Variants in PHKA2 observed in about 807,000 individuals in gnomAD.
The protein encoded by PHKA2 is phosphorylase b kinase regulatory subunit alpha, liver isoform.
A neutral mutation model predicts 102.0 loss-of-function variants in PHKA2; 31 were observed. That is an observed-to-expected ratio of 0.30 (90% CI 0.23 to 0.41). PHKA2 has a LOEUF of 0.41. Among genes scored for constraint, PHKA2 ranks in the 10% least tolerant of loss-of-function variants. The probability of loss-of-function intolerance (pLI) is 1.00; values close to 1 mark genes in which losing one functional copy is unlikely to be tolerated. For missense variants in PHKA2, 858 were observed against 1,023.1 expected (o/e 0.84, Z 2.20); for synonymous variants, 455 against 416.2 (o/e 1.09, Z -1.13).
chrX:18,918,566 A>G (rs1408243053), intron 19 of PHKA2, 115 bp downstream of exon 19: 3 of 674,982 alleles, frequency 4.4e-6, no homozygotes, highest in Non-Finnish European at 7.2e-6. Flanking sequence ...TCTAAGTAGA[A>G]GCACGTGGGG....
Position 18,897,640 on chromosome X carries a change from C to T in PHKA2, c.3112-307G>A, listed in dbSNP as rs1406378761. 44 of 317,136 alleles carry T rather than the reference C, an allele frequency of 1.4e-4. No homozygotes were observed. In the South Asian group the frequency reaches 1.6e-3, roughly 11 times the overall value. 26.1% of individuals were successfully genotyped at this position (317,136 alleles called of 1,213,427 possible). On this transcript the variant is annotated intron_variant, in intron 29 of 32. Coordinates refer to ENST00000379942, the MANE Select transcript of PHKA2 (RefSeq NM_000292.3). Reference sequence around the variant, plus strand: ...AGCACGGGCTTGGGGGTCAGACTGCCGGAGTGCTAATCCCCACTCAATGCC... The same window carrying T: ...AGCACGGGCTTGGGGGTCAGACTGCTGGAGTGCTAATCCCCACTCAATGCC...
intron 1 of PHKA2, among the ~76,000 whole-genome samples, chrX:18,961,811 A>G (rs924785775): frequency 2.7e-5 from 3 of 110,323 alleles, no homozygotes; most frequent in Non-Finnish European, 3.8e-5. Flanking sequence ...TTTTTGCTTT[A>G]AAAGTAGAAA....
chrX:18,933,223 G>A (rs1466778256), intron 11 of PHKA2, among the ~76,000 whole-genome samples: 2 of 112,111 alleles, frequency 1.8e-5, no homozygotes, highest in African/African-American at 6.5e-5. Context: ...CCACCCATGA[G>A]CCACCTCCTG....
In PHKA2 at chrX:18,916,288, G is replaced by C. The variant is rs1024754032; in HGVS notation, c.2137+2393C>G. Among the ~76,000 whole-genome samples, 3 of 111,352 alleles carry C rather than the reference G, an allele frequency of 2.7e-5. No individual in the cohort carries two copies. In the East Asian group the frequency reaches 8.5e-4, roughly 31 times the overall value. On this transcript the variant is annotated intron_variant, in intron 19 of 32. Transcript: ENST00000379942. ...AAATTAGCCGGATGTGATGGTGGGTGCCTGTAATCCCCGCTACTTGGGAGG... is the reference window on the plus strand; with the variant it reads ...AAATTAGCCGGATGTGATGGTGGGTCCCTGTAATCCCCGCTACTTGGGAGG...
intron 17 of PHKA2, among the ~76,000 whole-genome samples, chrX:18,922,267 T>G (rs933698613): frequency 2.7e-5 from 3 of 112,097 alleles, no homozygotes; most frequent in African/African-American, 9.7e-5. Context: ...AAAATTATTT[T>G]GCAAAATGGT....
rs2048214525 is a variant in PHKA2 at position 18,926,582 on chromosome X, C to T, written c.1330G>A (p.Val444Ile). The change falls in exon 14 of 33, where the codon GTT becomes ATT. Residue 444 changes from valine to isoleucine, a missense_variant. Coordinates refer to ENST00000379942, the MANE Select transcript of PHKA2 (RefSeq NM_000292.3). ...VKPDVVVQVT[V>I]LAENNHIKDL... Reference sequence around the variant, plus strand: ...TTAATGTGATTGTTTTCTGCCAAAACAGTAACTGTGAACAAGAACACAGAA... The same window carrying T: ...TTAATGTGATTGTTTTCTGCCAAAATAGTAACTGTGAACAAGAACACAGAA... 8.3e-7 allele frequency: 1 copy of T among 1,209,689 alleles called. No individual in the cohort carries two copies. The highest frequency in any genetic ancestry group is 1.1e-6 in the Non-Finnish European group (1 of 893,327).
At position 18,924,189 on chromosome X, in the gene PHKA2, T is replaced by C. The variant is rs762117577; in HGVS notation, c.1715-55A>G. The C allele has an allele frequency of 2.8e-4, 270 of 980,336 alleles. No individual in the cohort carries two copies. The African/African-American group carries it at 4.0e-3, about 15-fold the overall frequency. 80.8% of individuals were successfully genotyped at this position (980,336 alleles called of 1,213,427 possible). A position where few individuals can be genotyped will look rare whatever the true frequency, so the allele number is the denominator to read the frequency against. Reference sequence around the variant, plus strand: ...GTCTGGGCAGACTTTTTTTCCGTTATGCACTGAAACATTTTCATCAACACC... The same window carrying C: ...GTCTGGGCAGACTTTTTTTCCGTTACGCACTGAAACATTTTCATCAACACC... On this transcript the variant is annotated intron_variant, in intron 16 of 32. Transcript: ENST00000379942.
At chrX:18,906,956 G>T in intron 23 of PHKA2, 62 bp downstream of exon 23, 1 of 1,048,852 alleles carries the variant, frequency 9.5e-7, no homozygotes, top group East Asian at 3.1e-5. Context: ...CCGAACACTG[G>T]GAAGCGCTGT....
At chrX:18,907,171 G>A in intron 22 of PHKA2, 74 bp from the exon 23 acceptor site, 1 of 714,855 alleles carries the variant, frequency 1.4e-6, no homozygotes, top group Non-Finnish European at 2.2e-6. Context: ...CAGGCAGTGG[G>A]GAGGAGACAC....
At chrX:18,935,951 G>C (rs145242827) in intron 11 of PHKA2, 104 bp downstream of exon 11, 2 of 582,722 alleles carry the variant, frequency 3.4e-6, no homozygotes, top group Admixed American at 5.3e-5. Flanking sequence ...TGGAGAAAAA[G>C]TGTTCATTAG....
In PHKA2 at chrX:18,908,017, C is replaced by A. The variant is rs1601713065; in HGVS notation, c.2400G>T (p.Gly800=). ...CACCAAGAAGGTTTTGAACGGTGAC[C>A]CCGTGCTGTCCAGAGAGATTTGTGT... ...SWDTNLSGQH[G]VTVQNLLGEL... is the part of the protein sequence containing the mutation. Residue 800 remains glycine (G), a synonymous_variant, in exon 22 of 33, where the codon GGG becomes GGT. Transcript: ENST00000379942. The A allele has an allele frequency of 3.3e-6, 4 of 1,209,357 alleles. No homozygotes were observed. The highest frequency in any genetic ancestry group is 1.8e-5 in the African/African-American group (1 of 57,074).
chrX:18,950,875 G>C (rs1322502188), intron 4 of PHKA2, among the ~76,000 whole-genome samples: 3 of 112,448 alleles, frequency 2.7e-5, no homozygotes, highest in Non-Finnish European at 3.8e-5. Flanking sequence ...TTGGAGGATG[G>C]AGCCCTTACT....
intron 1 of PHKA2, among the ~76,000 whole-genome samples, chrX:18,978,488 C>T (rs944080105): frequency 6.3e-5 from 7 of 110,991 alleles, no homozygotes; most frequent in East Asian, 2.9e-4. Flanking sequence ...CTGAGTAGGG[C>T]GGATCATGAG....
At chrX:18,909,018 C>T in intron 20 of PHKA2, 84 bp from the exon 21 acceptor site, 1 of 1,119,788 alleles carries the variant, frequency 8.9e-7, no homozygotes, top group Non-Finnish European at 1.2e-6. Flanking sequence ...CCAATCTGGT[C>T]TTGGAACTCT....
chrX:18,980,985 A>T (rs1414203708), intron 1 of PHKA2, among the ~76,000 whole-genome samples: 2 of 112,331 alleles, frequency 1.8e-5, no homozygotes, highest in Non-Finnish European at 3.8e-5. Context: ...ACTAAAAAAA[A>T]TGCCTCCTAA....
intron 30 of PHKA2, 95 bp downstream of exon 30, chrX:18,897,068 A>C (rs2047574196): frequency 1.0e-6 from 1 of 998,637 alleles, no homozygotes; most frequent in Non-Finnish European, 1.4e-6. Context: ...AGCCATCCTC[A>C]GGGCTGTGTG....
chrX:18,982,659 C>A (rs1467182453), intron 1 of PHKA2, among the ~76,000 whole-genome samples: 3 of 111,416 alleles, frequency 2.7e-5, no homozygotes, highest in Non-Finnish European at 5.6e-5. Context: ...CGCAGTGAAA[C>A]CCCGTCACTA....
intron 17 of PHKA2, among the ~76,000 whole-genome samples, chrX:18,920,480 A>G (rs1204877732): frequency 1.8e-5 from 2 of 112,361 alleles, no homozygotes; most frequent in African/African-American, 3.2e-5. Flanking sequence ...TACTGAACCA[A>G]CCAACAGTTT....
At chrX:18,896,591 G>A in intron 30 of PHKA2, 1 of 142,141 alleles carries the variant, frequency 7.0e-6, no homozygotes, top group African/African-American at 3.1e-5. Flanking sequence ...CCCTGGGAGG[G>A]TGGGGCTCAG....
Sources: allele counts gnomAD v4.1 joint callset (sites outside exome capture counted in the v4.1 genomes callset), GRCh38; gene constraint gnomAD v4.1.1; transcripts MANE v1.5; gene names NCBI Gene and HGNC (gene_info 2026-07-23, HGNC 2026-07-21).